Variants in SPOCK1 observed in about 807,000 individuals in gnomAD.
SPOCK1 encodes the protein testican-1.
Under a neutral mutation model 55.3 loss-of-function variants are expected in SPOCK1, and 23 were observed. The observed-to-expected ratio is 0.42, with a 90% confidence interval of 0.30 to 0.59. The LOEUF (loss-of-function observed/expected upper bound fraction) is 0.59, where lower values mean the gene tolerates loss of function less well. Ranked by LOEUF, SPOCK1 falls within the 20% of genes least tolerant of loss-of-function variation. SPOCK1 has a pLI of 0.22. For missense variants in SPOCK1, 499 were observed against 552.5 expected, an observed-to-expected ratio of 0.90 and a Z score of 0.97; for synonymous variants, 226 against 221.0, an observed-to-expected ratio of 1.02 and a Z score of -0.20.
chr5:137,149,706 A>C (rs763210194), intron 3 of SPOCK1, among the ~76,000 whole-genome samples: 1 of 152,216 alleles, frequency 6.6e-6, no homozygotes, highest in Non-Finnish European at 1.5e-5. Context: ...TTCTGACATT[A>C]TTCAGCAGCC....
intron 5 of SPOCK1, among the ~76,000 whole-genome samples, chr5:137,080,550 A>C (rs1580740269): frequency 6.6e-6 from 1 of 151,888 alleles, no homozygotes; most frequent in South Asian, 2.1e-4. Context: ...TCTCTATAGA[A>C]CCCCTGCCAT....
intron 6 of SPOCK1, among the ~76,000 whole-genome samples, chr5:137,035,208 A>G (rs892742022): frequency 1.3e-5 from 2 of 152,070 alleles, no homozygotes; most frequent in African/African-American, 4.8e-5. Flanking sequence ...CTGAAGGAGG[A>G]GAGGGAGAAA....
intron 2 of SPOCK1, among the ~76,000 whole-genome samples, chr5:137,284,271 T>C (rs1757224120): frequency 6.6e-6 from 1 of 152,180 alleles, no homozygotes; most frequent in African/African-American, 2.4e-5. Flanking sequence ...TTCTAGACCA[T>C]CATCTCCCAA....
intron 2 of SPOCK1, among the ~76,000 whole-genome samples, chr5:137,307,769 T>C (rs1001757074): frequency 1.3e-5 from 2 of 152,194 alleles, no homozygotes; most frequent in African/African-American, 4.8e-5. Context: ...TAGGCAAAGA[T>C]GGATGCCTGA....
chr5:137,444,674 A>G (rs1753084683), intron 2 of SPOCK1, among the ~76,000 whole-genome samples: 1 of 152,236 alleles, frequency 6.6e-6, no homozygotes, highest in South Asian at 2.1e-4. Flanking sequence ...TAATAGAGCC[A>G]TCTTCACTTC....
At chr5:137,320,090 T>A (rs997168769) in intron 2 of SPOCK1, among the ~76,000 whole-genome samples, 2 of 152,192 alleles carry the variant, frequency 1.3e-5, no homozygotes, top group African/African-American at 4.8e-5. Flanking sequence ...AAAAAGCTAT[T>A]TTATTCCAAC....
intron 2 of SPOCK1, among the ~76,000 whole-genome samples, chr5:137,405,608 G>A (rs899809868): frequency 6.6e-6 from 1 of 152,032 alleles, no homozygotes; most frequent in African/African-American, 2.4e-5. Context: ...TCTCCTTCCC[G>A]AGTCCATCTG....
chr5:137,383,240 GA>G (rs201819628), intron 2 of SPOCK1, among the ~76,000 whole-genome samples: 28 of 151,476 alleles, frequency 1.8e-4, no homozygotes, highest in Admixed American at 1.3e-3. Flanking sequence ...GAAAATCAGG[GA>G]AAAAAAAATC....
intron 2 of SPOCK1, among the ~76,000 whole-genome samples, chr5:137,356,830 T>G (rs1464233388): frequency 0.029 from 343 of 11,872 alleles, 10 homozygotes; most frequent in African/African-American, 0.051. Flanking sequence ...TATATATATA[T>G]ATATATATAG....
intron 2 of SPOCK1, among the ~76,000 whole-genome samples, chr5:137,298,961 T>G (rs931376104): frequency 7.2e-5 from 11 of 152,202 alleles, no homozygotes; most frequent in African/African-American, 2.7e-4. Context: ...GATTTTTACA[T>G]GAATGTTTAT....
intron 3 of SPOCK1, among the ~76,000 whole-genome samples, chr5:137,239,988 T>G (rs1404650297): frequency 6.6e-6 from 1 of 152,186 alleles, no homozygotes; most frequent in Non-Finnish European, 1.5e-5. Context: ...CTTGCAAATA[T>G]CCATAGCTTC....
intron 3 of SPOCK1, among the ~76,000 whole-genome samples, chr5:137,230,277 G>T (rs775818039): frequency 1.3e-5 from 2 of 152,178 alleles, no homozygotes; most frequent in Non-Finnish European, 2.9e-5. Context: ...GACAGACCCA[G>T]CCAGTCAGAA....
At chr5:137,089,137 C>T (rs1034106425) in intron 5 of SPOCK1, among the ~76,000 whole-genome samples, 3 of 152,130 alleles carry the variant, frequency 2.0e-5, no homozygotes, top group African/African-American at 7.2e-5. Context: ...GGGGCTTGTG[C>T]CTGGTGGGGC....
At chr5:137,319,813 C>T (rs1757948203) in intron 2 of SPOCK1, among the ~76,000 whole-genome samples, 1 of 151,688 alleles carries the variant, frequency 6.6e-6, no homozygotes, top group African/African-American at 2.4e-5. Flanking sequence ...GGCGCGGTGG[C>T]GGGCGCCTGT....
rs540826495 is a variant in SPOCK1, at chr5:137,221,561, G to A, written c.232+45449C>T. 4.6e-5 allele frequency among the ~76,000 whole-genome samples: 7 copies of A among 152,116 alleles called. No homozygotes were observed. The South Asian group carries it at 1.0e-3, about 23-fold the overall frequency. On this transcript the variant is annotated intron_variant, in intron 3 of 10. Coordinates refer to ENST00000394945, the MANE Select transcript of SPOCK1 (RefSeq NM_004598.4). ...ACCGAGACCTTTACACAACATCTTC[G>A]ATGAGATATTTTCAGTTTCAGTCAA...
chr5:137,062,525 A>AATAAT (rs1554095448), intron 6 of SPOCK1, among the ~76,000 whole-genome samples: 31 of 143,470 alleles, frequency 2.2e-4, no homozygotes, highest in Non-Finnish European at 3.6e-4. Context: ...CAAGCATTAT[A>AATAAT]AATAATAATA....
chr5:137,464,771 G>C (rs1005480484), intron 2 of SPOCK1, among the ~76,000 whole-genome samples: 11 of 152,184 alleles, frequency 7.2e-5, no homozygotes, highest in African/African-American at 2.4e-4. Context: ...TGGAGAGGTC[G>C]CTGGGCAAAG....
chr5:137,434,776 C>G (rs1752824619), intron 2 of SPOCK1, among the ~76,000 whole-genome samples: 1 of 152,062 alleles, frequency 6.6e-6, no homozygotes, highest in African/African-American at 2.4e-5. Flanking sequence ...GCTGGGATTA[C>G]AGGCGTGAGC....
chr5:137,282,859 G>T (rs2127126166), intron 2 of SPOCK1, among the ~76,000 whole-genome samples: 1 of 152,344 alleles, frequency 6.6e-6, no homozygotes, highest in South Asian at 2.1e-4. Flanking sequence ...CCTCTCTGAA[G>T]TGGGGCTCTG....
Sources: gnomAD v4.1 joint callset for allele counts (sites outside exome capture counted in the v4.1 genomes callset) on GRCh38, gnomAD v4.1.1 for gene constraint, MANE v1.5 for transcripts, NCBI Gene and HGNC (gene_info 2026-07-23, HGNC 2026-07-21) for gene names.